KLHL15: variants seen among roughly 807,000 people sequenced by gnomAD.
The protein encoded by KLHL15 is kelch-like protein 15.
KLHL15 carries 1 observed loss-of-function variant against 29.3 expected under a neutral mutation model. The observed-to-expected ratio is 0.03, with a 90% CI of 0.01 to 0.16. KLHL15 has a LOEUF of 0.16. Among genes scored for constraint, KLHL15 ranks in the 10% least tolerant of loss-of-function variants. KLHL15 has a pLI of 1.00. For missense variants in KLHL15, 215 were observed against 478.5 expected, an observed-to-expected ratio of 0.45 and a Z score of 5.14; for synonymous variants, 212 against 184.5, an observed-to-expected ratio of 1.15 and a Z score of -1.21.
At chrX:24,002,131 T>C (rs1190812732) in intron 3 of KLHL15, among the ~76,000 whole-genome samples, 1 of 101,912 alleles carries the variant, frequency 9.8e-6, no homozygotes, top group East Asian at 2.9e-4. Flanking sequence ...AGACTCTGTC[T>C]CAAAAGAAAA....
chrX:24,002,352 G>A (rs1929345548), intron 3 of KLHL15, among the ~76,000 whole-genome samples: 1 of 111,381 alleles, frequency 9.0e-6, no homozygotes, highest in Non-Finnish European at 1.9e-5. Flanking sequence ...GACCATCAGA[G>A]CTAGTAAAAA....
intron 1 of KLHL15, among the ~76,000 whole-genome samples, chrX:24,026,565 C>T (rs1340144747): frequency 9.8e-6 from 1 of 102,531 alleles, no homozygotes; most frequent in Non-Finnish European, 2.0e-5. Context: ...TTTCGGCTTC[C>T]CCCACCCCCA....
intron 2 of KLHL15, among the ~76,000 whole-genome samples, chrX:24,012,535 C>T (rs1280342648): frequency 1.8e-5 from 2 of 111,933 alleles, no homozygotes; most frequent in Non-Finnish European, 3.8e-5. Flanking sequence ...CTCATCTAAA[C>T]ACTGTTGTCT....
In KLHL15 at chrX:23,988,737, G is replaced by A. The variant is rs1929027047; in HGVS notation, c.999C>T (p.Gly333=). The A allele has an allele frequency of 1.3e-5, 16 of 1,209,760 alleles. No homozygotes were observed. Among genetic ancestry groups the A allele is most frequent in the South Asian group, 1.1e-4 (6 of 56,812 alleles). Residue 333 remains glycine (G), a synonymous_variant, in exon 4 of 4, where the codon GGC becomes GGT. Transcript: ENST00000328046. ...AIVNNFVFLL[G]GEELGPDGEF... ...CACCATCCGGGCCCAGCTCTTCCCCGCCTAACAGGAACACAAAATTATTGA... is the reference window on the plus strand; with the variant it reads ...CACCATCCGGGCCCAGCTCTTCCCCACCTAACAGGAACACAAAATTATTGA...
At chrX:24,003,538 G>A (rs1221379218) in intron 3 of KLHL15, among the ~76,000 whole-genome samples, 2 of 100,601 alleles carry the variant, frequency 2.0e-5, no homozygotes, top group Non-Finnish European at 4.0e-5. Flanking sequence ...GGGCAACAGA[G>A]TGAGACTCCG....
At chrX:23,996,578 G>A (rs181887944) in intron 3 of KLHL15, among the ~76,000 whole-genome samples, 7 of 111,201 alleles carry the variant, frequency 6.3e-5, no homozygotes, top group Non-Finnish European at 9.4e-5. Context: ...TAGGAGAATC[G>A]CTTGATCCCG....
chrX:24,000,901 A>T (rs367978863), intron 3 of KLHL15, among the ~76,000 whole-genome samples: 1 of 112,641 alleles, frequency 8.9e-6, no homozygotes, highest in African/African-American at 3.2e-5. Context: ...GCATGAGATT[A>T]TATTAAGGAC....
chrX:24,000,282 G>A (rs905422171), intron 3 of KLHL15, among the ~76,000 whole-genome samples: 27 of 110,643 alleles, frequency 2.4e-4, no homozygotes, highest in Non-Finnish European at 4.0e-4. Flanking sequence ...TCAGGAGATC[G>A]AGAAACATGG....
At chrX:24,002,603 GT>G (rs576565042) in intron 3 of KLHL15, among the ~76,000 whole-genome samples, 9,627 of 83,584 alleles carry the variant, frequency 0.12, 634 homozygotes, top group African/African-American at 0.24. Flanking sequence ...CCTAGGCTAT[GT>G]TTTTTTTTTT....
At chrX:24,002,699 C>A (rs1467572514) in intron 3 of KLHL15, among the ~76,000 whole-genome samples, 2 of 108,832 alleles carry the variant, frequency 1.8e-5, no homozygotes, top group Non-Finnish European at 3.8e-5. Flanking sequence ...ACGACCGTGG[C>A]TCACTGCAAC....
At chrX:24,014,522 C>CA (rs1204951591) in intron 2 of KLHL15, among the ~76,000 whole-genome samples, 73 of 74,185 alleles carry the variant, frequency 9.8e-4, no homozygotes, top group Admixed American at 1.4e-3. Context: ...CTCAAAAAAA[C>CA]AAAAAAACAA....
rs948895301 is a variant in KLHL15 at position 23,997,463 on chromosome X, C to T, written c.706-8433G>A. ...TAAAAAAATAAAATTTTTGGCCAGGCGGGGTGGCTCACGCCTGTAGACTTA... is the reference window on the plus strand; with the variant it reads ...TAAAAAAATAAAATTTTTGGCCAGGTGGGGTGGCTCACGCCTGTAGACTTA... On this transcript the variant is annotated intron_variant, in intron 3 of 3. Transcript: ENST00000328046. Among the ~76,000 whole-genome samples, 7 of 109,618 alleles carry T rather than the reference C, an allele frequency of 6.4e-5. 1 individual carries two copies. The Admixed American group carries it at 6.8e-4, about 11-fold the overall frequency.
intron 2 of KLHL15, among the ~76,000 whole-genome samples, chrX:24,014,891 G>A (rs1170335977): frequency 8.9e-6 from 1 of 112,075 alleles, no homozygotes; most frequent in Non-Finnish European, 1.9e-5. Context: ...TGTGTATGAC[G>A]GGAACTGGAA....
At chrX:24,013,925 T>A (rs1157172058) in intron 2 of KLHL15, among the ~76,000 whole-genome samples, 2 of 110,264 alleles carry the variant, frequency 1.8e-5, no homozygotes, top group African/African-American at 6.6e-5. Context: ...ATACTATATA[T>A]TTTTTTTCAG....
intron 2 of KLHL15, among the ~76,000 whole-genome samples, chrX:24,007,514 T>A (rs201784576): frequency 1.8e-5 from 1 of 54,721 alleles, no homozygotes; most frequent in African/African-American, 1.2e-4. Context: ...AAAAAATATA[T>A]ATATATATAT....
intron 3 of KLHL15, among the ~76,000 whole-genome samples, chrX:23,994,214 G>A (rs1420217994): frequency 8.9e-6 from 1 of 111,888 alleles, no homozygotes; most frequent in Non-Finnish European, 1.9e-5. Context: ...ATGGTCAAAT[G>A]GGTGAGGAAT....
At chrX:24,015,542 T>C (rs1262862328) in intron 2 of KLHL15, among the ~76,000 whole-genome samples, 1 of 112,328 alleles carries the variant, frequency 8.9e-6, no homozygotes, top group Non-Finnish European at 1.9e-5. Context: ...TAGAAAACAG[T>C]GAAACACTCA....
rs952427980 is a variant in KLHL15, at chrX:24,007,171, G to A, written c.-7-471C>T. On this transcript the variant is annotated intron_variant, in intron 2 of 3. Coordinates refer to ENST00000328046, the MANE Select transcript of KLHL15 (RefSeq NM_030624.3). ...ATAGCACCACTGCACTCCAGCCTGGGCAACAGAGCACGACCCTATCTCTTA... is the reference window on the plus strand; with the variant it reads ...ATAGCACCACTGCACTCCAGCCTGGACAACAGAGCACGACCCTATCTCTTA... Among the ~76,000 whole-genome samples the A allele has an allele frequency of 3.6e-5, 4 of 110,218 alleles. No homozygotes were observed. The Admixed American group carries it at 3.9e-4, about 11-fold the overall frequency.
Position 24,025,022 on chromosome X carries a change from A to C in KLHL15, c.-173T>G, listed in dbSNP as rs1929891752. 1 of 296,795 alleles carries C rather than the reference A, an allele frequency of 3.4e-6. No homozygotes were observed. Among genetic ancestry groups the C allele is most frequent in the Non-Finnish European group, 5.9e-6 (1 of 169,781 alleles). 24.5% of individuals were successfully genotyped at this position (296,795 alleles called of 1,213,427 possible). A position where few individuals can be genotyped will look rare whatever the true frequency, so the allele number is the denominator to read the frequency against. Reference sequence around the variant, plus strand: ...ACGAGCCGGGTCGCTCCGGCGGGGCACGAGAGTGCTCGCCTGCAGCCCCCT... The same window carrying C: ...ACGAGCCGGGTCGCTCCGGCGGGGCCCGAGAGTGCTCGCCTGCAGCCCCCT... On this transcript the variant is annotated 5_prime_UTR_variant, in exon 2 of 4. Coordinates refer to ENST00000328046, the MANE Select transcript of KLHL15 (RefSeq NM_030624.3).
Sources: allele counts gnomAD v4.1 joint callset (sites outside exome capture counted in the v4.1 genomes callset), GRCh38; gene constraint gnomAD v4.1.1; transcripts MANE v1.5; gene names NCBI Gene and HGNC (gene_info 2026-07-23, HGNC 2026-07-21).